DLC1: variants seen among roughly 807,000 people sequenced by gnomAD.
DLC1 encodes rho GTPase-activating protein 7.
A neutral mutation model predicts 140.3 loss-of-function variants in DLC1; 54 were observed. That is an observed-to-expected ratio of 0.38 (90% CI 0.31 to 0.48). The LOEUF is 0.48. DLC1 is among the 20% of genes least tolerant of loss of function. The pLI is 0.96. For missense variants in DLC1, 2,536 were observed against 1,907.0 expected, an observed-to-expected ratio of 1.33 and a Z score of -6.14; for synonymous variants, 986 against 728.1, an observed-to-expected ratio of 1.35 and a Z score of -5.70.
chr8:13,265,877 A>T (rs1330669680), intron 5 of DLC1, among the ~76,000 whole-genome samples: 2 of 152,160 alleles, frequency 1.3e-5, no homozygotes, highest in Admixed American at 1.3e-4. Flanking sequence ...GTGGTTGGTC[A>T]CAGAATGTTG....
chr8:13,493,487 T>C (rs1284260089), intron 2 of DLC1, among the ~76,000 whole-genome samples: 1 of 152,194 alleles, frequency 6.6e-6, no homozygotes, highest in East Asian at 1.9e-4. Flanking sequence ...ATACATACAA[T>C]GTTTAGTGAT....
intron 1 of DLC1, among the ~76,000 whole-genome samples, chr8:13,588,526 A>T (rs768081083): frequency 2.6e-5 from 4 of 152,132 alleles, no homozygotes; most frequent in Non-Finnish European, 4.4e-5. Context: ...CACTGCAAGA[A>T]TTATAGCCTG....
Position 13,201,499 on chromosome 8 carries a change from C to T in DLC1, c.1349-85842G>A, listed in dbSNP as rs531113903. 3.9e-5 allele frequency among the ~76,000 whole-genome samples: 6 copies of T among 152,140 alleles called. No homozygotes were observed. The South Asian group carries it at 8.3e-4, about 21-fold the overall frequency. On this transcript the variant is annotated intron_variant, in intron 5 of 17. Coordinates refer to ENST00000276297, the MANE Select transcript of DLC1 (RefSeq NM_182643.3). The stretch of plus-strand genomic sequence containing the variant: ...TTAAGAAGGCAGTATTGAACAACTA[C>T]AAGAACTATAAAATATAGCTGAGAA...
intron 5 of DLC1, among the ~76,000 whole-genome samples, chr8:13,233,773 A>T (rs1011410863): frequency 2.0e-5 from 3 of 152,174 alleles, no homozygotes; most frequent in Non-Finnish European, 4.4e-5. Flanking sequence ...GATATGCCTA[A>T]ATTACTCTTT....
intron 5 of DLC1, among the ~76,000 whole-genome samples, chr8:13,120,681 A>T (rs1316182413): frequency 2.0e-5 from 3 of 152,168 alleles, no homozygotes; most frequent in Non-Finnish European, 2.9e-5. Flanking sequence ...CTAAGCAAAC[A>T]ACAGACAAAT....
chr8:13,196,537 T>A (rs927867547), intron 5 of DLC1, among the ~76,000 whole-genome samples: 7 of 152,184 alleles, frequency 4.6e-5, no homozygotes, highest in African/African-American at 1.4e-4. Flanking sequence ...CCATGAATTA[T>A]GTTTATGCTT....
intron 1 of DLC1, among the ~76,000 whole-genome samples, chr8:13,510,144 G>A (rs1371134713): frequency 1.3e-5 from 2 of 150,482 alleles, no homozygotes; most frequent in Non-Finnish European, 3.0e-5. Context: ...AGAACAAAAT[G>A]TGAGTGAAAC....
chr8:13,591,456 T>A (rs1200631293), intron 1 of DLC1, among the ~76,000 whole-genome samples: 1 of 152,078 alleles, frequency 6.6e-6, no homozygotes, highest in Non-Finnish European at 1.5e-5. Context: ...TGCCACCTTG[T>A]GAAGAAGAAC....
intron 2 of DLC1, among the ~76,000 whole-genome samples, chr8:13,460,131 G>GGTTGAGCACATA (rs1563366498): frequency 1.3e-5 from 2 of 152,206 alleles, no homozygotes; most frequent in Non-Finnish European, 2.9e-5. Context: ...TTGAGCACAT[G>GGTTGAGCACATA]AGCACATGAA....
At chr8:13,153,788 C>T (rs895160542) in intron 5 of DLC1, among the ~76,000 whole-genome samples, 5 of 150,760 alleles carry the variant, frequency 3.3e-5, no homozygotes, top group African/African-American at 7.3e-5. Context: ...CCGATCGGTG[C>T]GTTTACAATC....
At position 13,499,974 on chromosome 8, in the gene DLC1, T is replaced by A; in HGVS notation, c.98A>T (p.His33Leu). 1 of 1,614,122 alleles carries A rather than the reference T, an allele frequency of 6.2e-7. No individual in the cohort carries two copies. The highest frequency in any genetic ancestry group is 8.5e-7 in the Non-Finnish European group (1 of 1,179,988). Reference protein sequence around the residue: ...NSDDRNTACHHGLVADSLQAS... With the variant: ...NSDDRNTACHLGLVADSLQAS... Reference sequence around the variant, plus strand: ...CTGCAAGCTGTCAGCTACTAGTCCATGATGACATGCTGTGTTACGATCATC... The same window carrying A: ...CTGCAAGCTGTCAGCTACTAGTCCAAGATGACATGCTGTGTTACGATCATC... The change falls in exon 2 of 18, where the codon CAT becomes CTT. Residue 33 changes from histidine to leucine, a missense_variant. His to Leu is a moderately conservative substitution (Grantham distance 99). Transcript: ENST00000276297.
chr8:13,088,407 C>G (rs1410733778), intron 16 of DLC1, 80 bp downstream of exon 16: 7 of 1,477,748 alleles, frequency 4.7e-6, no homozygotes, highest in Non-Finnish European at 4.7e-6. Context: ...ATTATACCAT[C>G]TTGTAAGATC....
chr8:13,190,761 G>C (rs1227512663), intron 5 of DLC1, among the ~76,000 whole-genome samples: 1 of 152,070 alleles, frequency 6.6e-6, no homozygotes, highest in Non-Finnish European at 1.5e-5. Flanking sequence ...GAGGTGAGTG[G>C]AAGGGTGGCA....
chr8:13,512,096 A>C (rs1734907603), intron 1 of DLC1, among the ~76,000 whole-genome samples: 1 of 152,140 alleles, frequency 6.6e-6, no homozygotes, highest in Admixed American at 6.5e-5. Context: ...GGAATCAGGC[A>C]GTCAGCTATA....
intron 5 of DLC1, among the ~76,000 whole-genome samples, chr8:13,259,629 C>T (rs1269797731): frequency 2.0e-5 from 3 of 152,058 alleles, no homozygotes; most frequent in Admixed American, 2.0e-4. Flanking sequence ...ACCTGCCCTA[C>T]TTAAATTGTA....
chr8:13,514,485 G>A (rs938236161), intron 1 of DLC1, 117 bp downstream of exon 1: 1 of 397,476 alleles, frequency 2.5e-6, no homozygotes. Context: ...TGATTTTATG[G>A]CTTTGCTCTA....
intron 1 of DLC1, chr8:13,568,094 G>A (rs1032434667): frequency 3.3e-6 from 3 of 901,144 alleles, no homozygotes; most frequent in South Asian, 2.0e-5. Context: ...ATTATAGAAG[G>A]CACTGTTGTA....
intron 4 of DLC1, among the ~76,000 whole-genome samples, chr8:13,332,465 G>A (rs1437105714): frequency 6.7e-6 from 1 of 148,372 alleles, no homozygotes; most frequent in Non-Finnish European, 1.5e-5. Flanking sequence ...GGGTCTCGCT[G>A]TTTTGCCCAG....
chr8:13,351,140 C>T (rs1032245855), intron 4 of DLC1, among the ~76,000 whole-genome samples: 13 of 152,160 alleles, frequency 8.5e-5, no homozygotes, highest in African/African-American at 3.1e-4. Flanking sequence ...TAAATATTTT[C>T]AAATAACGAG....
Sources: gnomAD v4.1 joint callset for allele counts (sites outside exome capture counted in the v4.1 genomes callset) on GRCh38, gnomAD v4.1.1 for gene constraint, MANE v1.5 for transcripts, NCBI Gene and HGNC (gene_info 2026-07-23, HGNC 2026-07-21) for gene names.